EML1: variants seen among roughly 807,000 people sequenced by gnomAD.
EML1 encodes the protein echinoderm microtubule-associated protein-like 1.
A neutral mutation model predicts 110.4 loss-of-function variants in EML1; 27 were observed. The observed-to-expected ratio is 0.24, with a 90% CI of 0.18 to 0.34. The LOEUF is 0.34. Among genes scored for constraint, EML1 ranks in the 10% least tolerant of loss-of-function variants. The pLI, the probability that EML1 is intolerant of heterozygous loss-of-function variation, is 1.00. For missense variants in EML1, 741 were observed against 1,030.9 expected, an observed-to-expected ratio of 0.72 and a Z score of 3.85; for synonymous variants, 344 against 385.8, an observed-to-expected ratio of 0.89 and a Z score of 1.27.
intron 5 of EML1, among the ~76,000 whole-genome samples, chr14:99,891,886 A>G (rs963879689): frequency 7.2e-5 from 11 of 152,212 alleles, no homozygotes; most frequent in African/African-American, 2.7e-4. Flanking sequence ...ATAAAAGTCA[A>G]AGTTGTGTAT....
chr14:99,883,122 CCTCATTCCCTTT>C (rs1472728435), intron 4 of EML1: 1 of 152,270 alleles, frequency 6.6e-6, no homozygotes, highest in African/African-American at 2.4e-5. Flanking sequence ...TCCACCAGCT[CCTCATTCCCTTT>C]TGTGCCCTGA....
At chr14:99,775,921 C>T (rs118119314) in intron 1 of EML1, among the ~76,000 whole-genome samples, 1,768 of 152,202 alleles carry the variant, frequency 0.012, 17 homozygotes, top group Non-Finnish European at 0.018. Flanking sequence ...AGTTTTGACA[C>T]GAAAATAATA....
intron 1 of EML1, among the ~76,000 whole-genome samples, chr14:99,808,807 C>G (rs2058024714): frequency 6.6e-6 from 1 of 152,128 alleles, no homozygotes; most frequent in East Asian, 1.9e-4. Flanking sequence ...GAACATAACC[C>G]CAATATAAAA....
chr14:99,790,588 C>CATCCAACATATCCTGAAGTATA (rs1176828202), upstream of EML1, among the ~76,000 whole-genome samples: 10 of 152,196 alleles, frequency 6.6e-5, no homozygotes, highest in Admixed American at 6.5e-4. Context: ...TTATGCCAAT[C>CATCCAACATATCCTGAAGTATA]ATCCAACATA....
intron 3 of EML1, among the ~76,000 whole-genome samples, chr14:99,868,306 A>G (rs916102896): frequency 6.6e-6 from 1 of 152,144 alleles, no homozygotes; most frequent in African/African-American, 2.4e-5. Flanking sequence ...TGGTTTTGGT[A>G]TTAGAATAAT....
At chr14:99,789,132 T>TATC (rs953434875), upstream of EML1, among the ~76,000 whole-genome samples, 2 of 152,170 alleles carry the variant, frequency 1.3e-5, no homozygotes, top group East Asian at 1.9e-4. Context: ...GGTGTATGAA[T>TATC]ATCTGTCCAA....
At chr14:99,838,503 TTTACTC>T (rs2058575676) in intron 1 of EML1, among the ~76,000 whole-genome samples, 1 of 152,196 alleles carries the variant, frequency 6.6e-6, no homozygotes, top group African/African-American at 2.4e-5. Flanking sequence ...TTTTTCAAGT[TTTACTC>T]TAATGCTCAT....
chr14:99,774,206 G>A (rs990062896), intron 1 of EML1, among the ~76,000 whole-genome samples: 1 of 152,160 alleles, frequency 6.6e-6, no homozygotes, highest in Admixed American at 6.5e-5. Context: ...GCAAAGAGCA[G>A]AGGGGTTGGA....
intron 1 of EML1, among the ~76,000 whole-genome samples, chr14:99,743,701 A>G (rs932994258): frequency 2.0e-5 from 3 of 152,250 alleles, no homozygotes; most frequent in East Asian, 3.9e-4. Flanking sequence ...ATACATTCAC[A>G]TGACTGGGGG....
intron 1 of EML1, among the ~76,000 whole-genome samples, chr14:99,738,610 G>A (rs964474627): frequency 6.6e-6 from 1 of 152,220 alleles, no homozygotes; most frequent in Non-Finnish European, 1.5e-5. Context: ...CAGGCTGGGT[G>A]GTCTTGGGCA....
intron 1 of EML1, among the ~76,000 whole-genome samples, chr14:99,806,498 T>C (rs1384518991): frequency 6.6e-6 from 1 of 152,072 alleles, no homozygotes; most frequent in African/African-American, 2.4e-5. Flanking sequence ...GTATTTTTAG[T>C]AGAGATGAGG....
chr14:99,796,905 G>A (rs549402714), intron 1 of EML1, among the ~76,000 whole-genome samples: 2 of 131,302 alleles, frequency 1.5e-5, no homozygotes, highest in Non-Finnish European at 3.4e-5. Flanking sequence ...ATCTTTGTGT[G>A]TGTATGTGTG....
intron 1 of EML1, among the ~76,000 whole-genome samples, chr14:99,820,344 G>C (rs1471945686): frequency 1.3e-5 from 2 of 152,138 alleles, no homozygotes; most frequent in Non-Finnish European, 2.9e-5. Flanking sequence ...AAGAAACCTG[G>C]TCACTCAACT....
chr14:99,755,995 C>A (rs897502550), intron 1 of EML1, among the ~76,000 whole-genome samples: 5 of 152,206 alleles, frequency 3.3e-5, no homozygotes, highest in Non-Finnish European at 7.3e-5. Flanking sequence ...CAGAGTGTAG[C>A]TCCCATGGCC....
At chr14:99,854,503 G>A (rs2058867703) in intron 2 of EML1, among the ~76,000 whole-genome samples, 1 of 152,188 alleles carries the variant, frequency 6.6e-6, no homozygotes, top group Non-Finnish European at 1.5e-5. Flanking sequence ...TTGTTCCCCT[G>A]TCCCTGCGGT....
At chr14:99,809,041 T>C (rs1300882004) in intron 1 of EML1, among the ~76,000 whole-genome samples, 1 of 152,348 alleles carries the variant, frequency 6.6e-6, no homozygotes, top group Admixed American at 6.5e-5. Context: ...CCAGGTTTCT[T>C]TGAACTATAC....
chr14:99,740,324 C>G (rs114594729), intron 1 of EML1, among the ~76,000 whole-genome samples: 3,140 of 152,294 alleles, frequency 0.021, 101 homozygotes, highest in African/African-American at 0.072. Flanking sequence ...AGGTTAGGCC[C>G]CTCTTCCCGG....
chr14:99,923,621 T>G (rs2060172039), intron 17 of EML1, among the ~76,000 whole-genome samples: 1 of 142,390 alleles, frequency 7.0e-6, no homozygotes. Flanking sequence ...AAGGTTTATT[T>G]CCGGATACTC....
intron 15 of EML1, among the ~76,000 whole-genome samples, chr14:99,915,750 T>C (rs2140067326): frequency 6.6e-6 from 1 of 152,332 alleles, no homozygotes; most frequent in Admixed American, 6.5e-5. Flanking sequence ...TGCATTGCAC[T>C]GCAGCGAATC....
Sources: allele counts gnomAD v4.1 joint callset (sites outside exome capture counted in the v4.1 genomes callset), GRCh38; gene constraint gnomAD v4.1.1; transcripts MANE v1.5; gene names NCBI Gene and HGNC (gene_info 2026-07-23, HGNC 2026-07-21).